The following TPR variants were observed in gnomAD, a reference collection of about 807,000 sequenced individuals.
The protein encoded by TPR is translocated promoter region, nuclear basket protein.
A neutral mutation model predicts 316.1 loss-of-function variants in TPR; 51 were observed. The observed-to-expected ratio is 0.16, with a 90% CI of 0.13 to 0.20. The LOEUF (loss-of-function observed/expected upper bound fraction) is 0.20. TPR is among the 10% of genes least tolerant of loss of function. The pLI is 1.00. For synonymous variants in TPR, 981 were observed against 914.7 expected (o/e 1.07, Z -1.31); for missense variants, 2,272 against 2,754.8 (o/e 0.82, Z 3.92).
chr1:186,355,096 G>T (rs565052606), intron 17 of TPR, among the ~76,000 whole-genome samples: 18 of 151,930 alleles, frequency 1.2e-4, no homozygotes, highest in Admixed American at 5.3e-4. Flanking sequence ...GTAGAGATGG[G>T]GTTTCACCAT....
At chr1:186,355,595 T>A in intron 16 of TPR, 37 bp from the exon 17 acceptor site, 4 of 1,613,560 alleles carry the variant, frequency 2.5e-6, no homozygotes, top group Non-Finnish European at 3.4e-6. Context: ...AACACTGTGT[T>A]CTCTAAAAAC....
In TPR at chr1:186,313,353, T is replaced by C; in HGVS notation, c.*618A>G. On this transcript the variant is annotated 3_prime_UTR_variant, in exon 51 of 51. Transcript: ENST00000367478. Reference sequence around the variant, plus strand: ...TTATTCTGCCTGTAATTTCATAATATGAATGACATTGGCATGTATTTTTTA... The same window carrying C: ...TTATTCTGCCTGTAATTTCATAATACGAATGACATTGGCATGTATTTTTTA... The C allele has an allele frequency of 3.1e-6, 1 of 326,880 alleles. No individual in the cohort carries two copies. Among genetic ancestry groups the C allele is most frequent in the Non-Finnish European group, 5.7e-6 (1 of 176,086 alleles). 20.2% of individuals were successfully genotyped at this position (326,880 alleles called of 1,614,324 possible). A position where few individuals can be genotyped will look rare whatever the true frequency, so the allele number is the denominator to read the frequency against.
chr1:186,329,331 C>T (rs756490427), intron 39 of TPR, among the ~76,000 whole-genome samples: 24 of 152,106 alleles, frequency 1.6e-4, no homozygotes, highest in African/African-American at 2.7e-4. Flanking sequence ...ATTTATAGTA[C>T]GCTCTGAATA....
chr1:186,337,824 G>A (rs1352215176), intron 31 of TPR, among the ~76,000 whole-genome samples: 1 of 151,878 alleles, frequency 6.6e-6, no homozygotes, highest in Admixed American at 6.6e-5. Flanking sequence ...TATTTGAAAG[G>A]TGAAGACTGA....
chr1:186,363,165 T>A (rs1659245169), intron 5 of TPR, among the ~76,000 whole-genome samples, 164 bp from the exon 6 acceptor site: 2 of 152,108 alleles, frequency 1.3e-5, no homozygotes, highest in South Asian at 4.1e-4. Context: ...GTAACAAACT[T>A]AAATTTCAAA....
At chr1:186,350,417 C>A in intron 20 of TPR, 29 bp from the exon 21 acceptor site, 1 of 1,477,998 alleles carries the variant, frequency 6.8e-7, no homozygotes, top group South Asian at 1.3e-5. Context: ...TTATAACATT[C>A]TTTAGGTTCC....
Position 186,363,340 on chromosome 1 carries a change from G to A in TPR, c.531+2C>T. The A allele has an allele frequency of 6.2e-7, 1 of 1,605,778 alleles. No homozygotes were observed. Among genetic ancestry groups the A allele is most frequent in the South Asian group, 1.1e-5 (1 of 90,734 alleles). On this transcript the variant is annotated splice_donor_variant, in intron 5 of 50. Transcript: ENST00000367478. LOFTEE classifies it low-confidence loss of function (GC_TO_GT_DONOR). ...ATGCATTAGGAATCATCTGGTACTT[G>A]CCTTAACAGAAACATCAGAAGCTTG...
In TPR at chr1:186,352,125, A is replaced by G. The variant is rs1212870961; in HGVS notation, c.2335-15T>C. 2 of 1,574,282 alleles carry G rather than the reference A, an allele frequency of 1.3e-6. No homozygotes were observed. Among genetic ancestry groups the G allele is most frequent in the East Asian group, 2.3e-5 (1 of 44,258 alleles). Reference sequence around the variant, plus strand: ...TCTGCTCTTACCTAAACATAAGTAGAAATGAAATAAAAAATGCTGAAAAAC... The same window carrying G: ...TCTGCTCTTACCTAAACATAAGTAGGAATGAAATAAAAAATGCTGAAAAAC... On this transcript the variant is annotated splice_polypyrimidine_tract_variant and intron_variant, in intron 18 of 50. Coordinates refer to ENST00000367478, the MANE Select transcript of TPR (RefSeq NM_003292.3).
intron 43 of TPR, 112 bp from the exon 44 acceptor site, chr1:186,322,698 C>T (rs969856433): frequency 9.4e-7 from 1 of 1,067,604 alleles, no homozygotes; most frequent in African/African-American, 1.6e-5. Context: ...AGTTAGCAGA[C>T]AGGTAATTAG....
intron 4 of TPR, among the ~76,000 whole-genome samples, chr1:186,366,437 G>T (rs1414859975): frequency 6.6e-6 from 1 of 152,162 alleles, no homozygotes; most frequent in Non-Finnish European, 1.5e-5. Flanking sequence ...ACAATCTACT[G>T]TGTATGTTAT....
intron 22 of TPR, among the ~76,000 whole-genome samples, chr1:186,346,766 T>TA (rs1365757092): frequency 1.3e-5 from 2 of 152,130 alleles, no homozygotes; most frequent in Admixed American, 6.5e-5. Flanking sequence ...TATGACATGT[T>TA]AAAAAAATCA....
In TPR at chr1:186,318,561, T is replaced by G. The variant is rs755930875; in HGVS notation, c.6707A>C (p.His2236Pro). 1.4e-5 allele frequency: 22 copies of G among 1,613,816 alleles called. No individual in the cohort carries two copies. In the East Asian group the frequency reaches 4.5e-4, roughly 33 times the overall value. ...TESTTSDASEHASQSVPMVTT... is the reference protein window; with the variant it reads ...TESTTSDASEPASQSVPMVTT... ...CACCATTGGAACAGATTGAGAGGCA[T>G]GTTCCGAAGCATCAGAGGTGGTGCT... Residue 2236 changes from histidine (H) to proline (P), a missense_variant, in exon 48 of 51, where the codon CAT becomes CCT. His to Pro is a moderately conservative substitution (Grantham distance 77). Transcript: ENST00000367478.
In TPR at chr1:186,339,619, A is replaced by G. The variant is rs1366732751; in HGVS notation, c.4151+23T>C. 2.6e-6 allele frequency: 4 copies of G among 1,519,568 alleles called. No homozygotes were observed. The South Asian group carries it at 4.0e-5, about 15-fold the overall frequency. The allele number at this position is 1,519,568 out of a possible 1,614,324, so 94.1% of individuals were successfully genotyped here. ...ATAAACTTCTTTTATATTATATATG[A>G]TTTAAGGCTTCTTTCCATATACCTT... On this transcript the variant is annotated intron_variant, in intron 30 of 50. Coordinates refer to ENST00000367478, the MANE Select transcript of TPR (RefSeq NM_003292.3).
chr1:186,335,224 A>C, intron 34 of TPR, 95 bp from the exon 35 acceptor site: 1 of 1,546,860 alleles, frequency 6.5e-7, no homozygotes, highest in Non-Finnish European at 8.8e-7. Context: ...TTCTCTCCGC[A>C]TATATTGAAT....
At position 186,336,536 on chromosome 1, in the gene TPR, C is replaced by T. The variant is rs1658345474; in HGVS notation, c.4665G>A (p.Lys1555=). The T allele has an allele frequency of 6.2e-7, 1 of 1,613,874 alleles. No homozygotes were observed. Among genetic ancestry groups the T allele is most frequent in the Non-Finnish European group, 8.5e-7 (1 of 1,179,892 alleles). The change falls in exon 33 of 51, where the codon AAG becomes AAA. Residue 1555 remains lysine (K), a synonymous_variant. Coordinates refer to ENST00000367478, the MANE Select transcript of TPR (RefSeq NM_003292.3). ...TTTTTGACTTTGCTGCTACAATAGC[C>T]TTTCTGGTTTTTTCTTCCTTTTCAG... ...QITEKEEKTR[K]AIVAAKSKIA... is the part of the protein sequence containing the mutation.
In TPR at chr1:186,350,078, A is replaced by G. The variant is rs190302086; in HGVS notation, c.2776+145T>C. 1.4e-4 allele frequency: 107 copies of G among 769,518 alleles called. No individual in the cohort carries two copies. In the African/African-American group the frequency reaches 1.7e-3, roughly 12 times the overall value. The allele number at this position is 769,518 out of a possible 1,614,324, so 47.7% of individuals were successfully genotyped here. On this transcript the variant is annotated intron_variant, in intron 21 of 50. Coordinates refer to ENST00000367478, the MANE Select transcript of TPR (RefSeq NM_003292.3). ...TAGGCCCAAAATTGAGTACCACTAT[A>G]TAAAGAAAAAGTTGGGTTTTTTTTT... is the stretch of plus-strand genomic sequence containing the variant.
chr1:186,326,009 GT>G, intron 41 of TPR, 94 bp downstream of exon 41: 1 of 1,570,582 alleles, frequency 6.4e-7, no homozygotes, highest in Admixed American at 2.0e-5. Context: ...AAAGGTTTTA[GT>G]GAATTTCATA....
chr1:186,314,656 G>C lies in TPR; in HGVS notation c.7009C>G (p.Arg2337Gly). The change falls in exon 50 of 51, where the codon CGT becomes GGT. Residue 2337 changes from arginine to glycine, a missense_variant. By Grantham distance (125) the Arg-to-Gly change is moderately radical. This residue lies in a region of TPR where 123 missense variants were observed against 142.3 expected (regional missense o/e 0.86). Transcript: ENST00000367478. ...RLQTTLRQGV[R>G]GRQFNRQRGV... ...CTCTGTCTGTTAAACTGACGACCAC[G>C]GACACCTTGTCTCAATGTTGTCTGA... 6.2e-7 allele frequency: 1 copy of C among 1,611,718 alleles called. No homozygotes were observed. The highest frequency in any genetic ancestry group is 1.1e-5 in the South Asian group (1 of 90,860).
intron 26 of TPR, 46 bp downstream of exon 26, chr1:186,343,860 C>A: frequency 6.8e-7 from 1 of 1,473,258 alleles, no homozygotes; most frequent in Non-Finnish European, 9.3e-7. Context: ...AGTTTCATTT[C>A]ATAGTTGTTA....
Sources: gnomAD v4.1 joint callset for allele counts (sites outside exome capture counted in the v4.1 genomes callset) on GRCh38, gnomAD v4.1.1 for gene constraint, gnomAD v4.1.1 regional missense constraint, MANE v1.5 for transcripts, NCBI Gene and HGNC (gene_info 2026-07-23, HGNC 2026-07-21) for gene names.